CRAMP1: variants seen among roughly 807,000 people sequenced by gnomAD.
CRAMP1 encodes cramped chromatin regulator 1, also known as protein cramped-like.
CRAMP1 carries 50 observed loss-of-function variants against 115.4 expected under a neutral mutation model. The ratio of observed to expected loss-of-function variants is 0.43; its 90% confidence interval spans 0.35 to 0.55. CRAMP1 has a LOEUF of 0.55. CRAMP1 is among the 20% of genes least tolerant of loss of function. CRAMP1 has a pLI of 0.01. For missense variants in CRAMP1, 1,679 were observed against 1,721.7 expected (o/e 0.98, Z 0.44); for synonymous variants, 866 against 745.4 (o/e 1.16, Z -2.64).
chr16:1,663,491 T>G (rs1172283666), intron 13 of CRAMP1, among the ~76,000 whole-genome samples: 2 of 152,234 alleles, frequency 1.3e-5, no homozygotes, highest in Non-Finnish European at 2.9e-5. Context: ...AAATCTTAGG[T>G]GTTCTTTGTT....
rs1188423406 is a variant in CRAMP1, at chr16:1,656,531, G to A, written c.1774G>A (p.Gly592Ser). Residue 592 changes from glycine to serine, a missense_variant, in exon 10 of 21, where the codon GGC becomes AGC. Gly to Ser is a moderately conservative substitution (Grantham distance 56). This residue lies in a region of CRAMP1 where 405 missense variants were observed against 302.6 expected (regional missense o/e 1.34). Transcript: ENST00000397412. This position sits in a 1 kb window ranked among gnomAD's most constrained non-coding sequence, Gnocchi z 5.6. ...GCCTGGGAGCGAGCAGCCCCCTCTG[G>A]GCGGGGCGGCCTCCCCAGAGGTGCT... ...TRPGSEQPPL[G>S]GAASPEVLAP... is the part of the protein sequence containing the mutation. The A allele has an allele frequency of 1.3e-6, 2 of 1,558,424 alleles. No homozygotes were observed. The highest frequency in any genetic ancestry group is 2.7e-5 in the African/African-American group (2 of 73,340).
chr16:1,622,371 A>G (rs2036472289), intron 2 of CRAMP1, among the ~76,000 whole-genome samples: 2 of 152,096 alleles, frequency 1.3e-5, no homozygotes, highest in South Asian at 4.1e-4. Flanking sequence ...AAAATTAGCC[A>G]TTGTGGTGGT....
At chr16:1,622,520 CA>C (rs1258022626) in intron 2 of CRAMP1, among the ~76,000 whole-genome samples, 1 of 151,982 alleles carries the variant, frequency 6.6e-6, no homozygotes, top group Non-Finnish European at 1.5e-5. Context: ...CAACAGCAAC[CA>C]AAAAAGCACT....
intron 13 of CRAMP1, 43 bp from the exon 14 acceptor site, chr16:1,665,014 A>G (rs1190049925): frequency 3.0e-6 from 4 of 1,324,738 alleles, no homozygotes; most frequent in Non-Finnish European, 4.4e-6. Context: ...ATTTTTTGGT[A>G]TGGGAGTTTC....
At chr16:1,657,171 C>T (rs1224192564) in intron 10 of CRAMP1, among the ~76,000 whole-genome samples, 179 bp downstream of exon 10, 2 of 152,198 alleles carry the variant, frequency 1.3e-5, no homozygotes, top group African/African-American at 2.4e-5. Flanking sequence ...GGCAGGGACC[C>T]AAATGGTCCG....
rs544773439 is a variant in CRAMP1, at chr16:1,666,097, A to G, written c.2777A>G (p.Gln926Arg). Residue 926 changes from glutamine (Q) to arginine (R), a missense_variant, in exon 15 of 21, where the codon CAG becomes CGG. Physicochemically the swap from Gln to Arg is conservative, Grantham distance 43. Coordinates refer to ENST00000397412, the MANE Select transcript of CRAMP1 (RefSeq NM_020825.4). The surrounding 1 kb of genome is among the most constrained non-coding windows in gnomAD (Gnocchi z 5.0). ...VTGRGSFRPI[Q>R]SSLTKAALSR... Reference sequence around the variant, plus strand: ...GGGAGAGGTTCGTTCCGGCCCATCCAGTCTTCTCTGACCAAAGCAGCTCTG... The same window carrying G: ...GGGAGAGGTTCGTTCCGGCCCATCCGGTCTTCTCTGACCAAAGCAGCTCTG... 1.7e-5 allele frequency: 28 copies of G among 1,612,028 alleles called. No individual in the cohort carries two copies. Among genetic ancestry groups the G allele is most frequent in the Non-Finnish European group, 2.2e-5 (26 of 1,179,248 alleles).
At chr16:1,640,157 T>G (rs1292170426) in intron 5 of CRAMP1, among the ~76,000 whole-genome samples, 1 of 152,234 alleles carries the variant, frequency 6.6e-6, no homozygotes, top group Non-Finnish European at 1.5e-5. Flanking sequence ...CCTTTCTTTC[T>G]GAAAAACCTC....
At chr16:1,651,779 CACAGAGAGGTGG>C (rs2036725885) in intron 6 of CRAMP1, among the ~76,000 whole-genome samples, 1 of 145,674 alleles carries the variant, frequency 6.9e-6, no homozygotes, top group Non-Finnish European at 1.5e-5. Flanking sequence ...TCACACAGGT[CACAGAGAGGTGG>C]ACTGAGAGGT....
At chr16:1,657,018 C>A in intron 10 of CRAMP1, 26 bp downstream of exon 10, 1 of 1,476,632 alleles carries the variant, frequency 6.8e-7, no homozygotes, top group Non-Finnish European at 9.0e-7. Flanking sequence ...CCCAGCCCCT[C>A]TGGCGGCCCA....
chr16:1,632,469 T>C (rs1410901863), intron 4 of CRAMP1, 104 bp downstream of exon 4: 3 of 1,187,736 alleles, frequency 2.5e-6, no homozygotes, highest in Non-Finnish European at 3.5e-6. Context: ...TCTGGCATTT[T>C]CTCACCAGCC....
chr16:1,643,435 G>C (rs1030739256), intron 6 of CRAMP1, among the ~76,000 whole-genome samples: 3 of 152,130 alleles, frequency 2.0e-5, no homozygotes, highest in Non-Finnish European at 4.4e-5. Context: ...CAGCTACTTG[G>C]GAGGCTGAGG....
Position 1,666,093 on chromosome 16 carries a change from A to T in CRAMP1, c.2773A>T (p.Ile925Phe). 1 of 1,611,878 alleles carries T rather than the reference A, an allele frequency of 6.2e-7. No homozygotes were observed. The highest frequency in any genetic ancestry group is 8.5e-7 in the Non-Finnish European group (1 of 1,179,128). The change falls in exon 15 of 21, where the codon ATC becomes TTC. Residue 925 changes from isoleucine to phenylalanine, a missense_variant. By Grantham distance (21) the Ile-to-Phe change is conservative. Coordinates refer to ENST00000397412, the MANE Select transcript of CRAMP1 (RefSeq NM_020825.4). This position sits in a 1 kb window ranked among gnomAD's most constrained non-coding sequence, Gnocchi z 5.0. ...CGCAGGGAGAGGTTCGTTCCGGCCC[A>T]TCCAGTCTTCTCTGACCAAAGCAGC... Reference protein sequence around the residue: ...SVTGRGSFRPIQSSLTKAALS... With the variant: ...SVTGRGSFRPFQSSLTKAALS...
chr16:1,630,724 T>C (rs184664317), intron 3 of CRAMP1, among the ~76,000 whole-genome samples: 1 of 152,174 alleles, frequency 6.6e-6, no homozygotes, highest in Non-Finnish European at 1.5e-5. Flanking sequence ...TTGTTTTTTG[T>C]TTGCATGTTT....
chr16:1,652,713 A>G (rs1366658298), intron 7 of CRAMP1, 132 bp downstream of exon 7: 16 of 802,552 alleles, frequency 2.0e-5, no homozygotes, highest in Admixed American at 2.4e-5. Flanking sequence ...AGGGCTGCAC[A>G]TGGACCACTC....
intron 5 of CRAMP1, among the ~76,000 whole-genome samples, chr16:1,639,453 A>T (rs1431379919): frequency 6.6e-6 from 1 of 151,334 alleles, no homozygotes; most frequent in Non-Finnish European, 1.5e-5. Context: ...ATGTAAATGA[A>T]GTAGTGGCCA....
chr16:1,632,116 CT>C, intron 3 of CRAMP1, 95 bp from the exon 4 acceptor site: 1 of 1,343,616 alleles, frequency 7.4e-7, no homozygotes, highest in African/African-American at 1.5e-5. Context: ...AGCCTGTCTC[CT>C]TTCTCCTTTC....
chr16:1,660,226 C>A (rs1347692814), intron 11 of CRAMP1, among the ~76,000 whole-genome samples, 163 bp downstream of exon 11: 3 of 152,210 alleles, frequency 2.0e-5, no homozygotes, highest in African/African-American at 7.2e-5. Flanking sequence ...GAATCACTGC[C>A]TCCTCATGGG....
chr16:1,637,998 C>G (rs955415270), intron 5 of CRAMP1, 91 bp downstream of exon 5: 4 of 585,536 alleles, frequency 6.8e-6, no homozygotes, highest in Non-Finnish European at 1.1e-5. Flanking sequence ...TAGTTTCCCT[C>G]TAACTTTTAT....
chr16:1,670,492 A>C, intron 19 of CRAMP1, 172 bp from the exon 20 acceptor site: 1 of 675,416 alleles, frequency 1.5e-6, no homozygotes. Flanking sequence ...TTAAACGAGA[A>C]GAGCTCGTCA....
Sources: gnomAD v4.1 joint callset for allele counts (sites outside exome capture counted in the v4.1 genomes callset) on GRCh38, gnomAD v4.1.1 for gene constraint, gnomAD v4.1.1 regional missense constraint, Gnocchi (gnomAD v3.1) non-coding constraint, MANE v1.5 for transcripts, NCBI Gene and HGNC (gene_info 2026-07-23, HGNC 2026-07-21) for gene names.